The following FYN variants were observed in gnomAD, a reference collection of about 807,000 sequenced individuals.
FYN encodes the protein FYN proto-oncogene, Src family tyrosine kinase.
FYN carries 10 observed loss-of-function variants against 70.2 expected under a neutral mutation model. That is an observed-to-expected ratio of 0.14 (90% CI 0.09 to 0.24). The LOEUF is 0.24. Among genes scored for constraint, FYN ranks in the 10% least tolerant of loss-of-function variants. The pLI is 1.00. For synonymous variants in FYN, 236 were observed against 248.6 expected, an observed-to-expected ratio of 0.95 and a Z score of 0.48; for missense variants, 319 against 673.1, an observed-to-expected ratio of 0.47 and a Z score of 5.82.
chr6:111,757,783 T>C (rs1056122202), intron 3 of FYN, among the ~76,000 whole-genome samples: 1 of 152,224 alleles, frequency 6.6e-6, no homozygotes, highest in African/African-American at 2.4e-5. Flanking sequence ...CAGGATGTCA[T>C]TTAAATTCTA....
At chr6:111,809,029 A>T (rs1430446301) in intron 2 of FYN, among the ~76,000 whole-genome samples, 1 of 152,216 alleles carries the variant, frequency 6.6e-6, no homozygotes, top group African/African-American at 2.4e-5. Flanking sequence ...TTCCTAAAAG[A>T]AACAAAAATA....
chr6:111,714,271 G>A, intron 5 of FYN, 76 bp downstream of exon 5: 1 of 877,590 alleles, frequency 1.1e-6, no homozygotes. Flanking sequence ...GACATCTGAA[G>A]AGATGCAGAC....
At chr6:111,763,590 T>C (rs745684317) in intron 3 of FYN, among the ~76,000 whole-genome samples, 7 of 152,214 alleles carry the variant, frequency 4.6e-5, no homozygotes, top group Non-Finnish European at 7.3e-5. Flanking sequence ...ATTTCAAACA[T>C]AGTTTTCATA....
At chr6:111,849,355 C>T (rs890321468) in intron 1 of FYN, among the ~76,000 whole-genome samples, 6 of 152,224 alleles carry the variant, frequency 3.9e-5, no homozygotes, top group Admixed American at 3.3e-4. Context: ...ACTGAGCAAT[C>T]CTCAACTCTG....
chr6:111,701,232 G>A (rs1484941679), intron 8 of FYN, among the ~76,000 whole-genome samples: 2 of 151,976 alleles, frequency 1.3e-5, no homozygotes, highest in African/African-American at 2.4e-5. Flanking sequence ...CAGTGCTAAG[G>A]GGAACTTAAA....
intron 3 of FYN, among the ~76,000 whole-genome samples, chr6:111,750,164 C>T (rs191672447): frequency 2.0e-5 from 3 of 152,276 alleles, no homozygotes; most frequent in East Asian, 1.9e-4. Flanking sequence ...TGTATGTCTC[C>T]GTCCAAATCT....
In FYN at chr6:111,824,140, C is replaced by A. The variant is rs1772760577; in HGVS notation, c.-82+22449G>T. 2.6e-5 allele frequency among the ~76,000 whole-genome samples: 4 copies of A among 152,268 alleles called. No homozygotes were observed. In the South Asian group the frequency reaches 8.3e-4, roughly 32 times the overall value. ...TGAGCACATGGTCTTTAAAAAATCCCCACTGCAAACTTTGGAAAGTTGAAA... is the reference window on the plus strand; with the variant it reads ...TGAGCACATGGTCTTTAAAAAATCCACACTGCAAACTTTGGAAAGTTGAAA... On this transcript the variant is annotated intron_variant, in intron 2 of 13. Coordinates refer to ENST00000354650, the MANE Select transcript of FYN (RefSeq NM_002037.5).
At chr6:111,810,856 T>TC (rs774758523) in intron 2 of FYN, among the ~76,000 whole-genome samples, 2 of 152,234 alleles carry the variant, frequency 1.3e-5, no homozygotes, top group Non-Finnish European at 2.9e-5. Flanking sequence ...CTTTGCTAAA[T>TC]CCCATATGTC....
rs189206879 is a variant in FYN at position 111,853,239 on chromosome 6, G to A, written c.-122-6610C>T. 4.6e-5 allele frequency among the ~76,000 whole-genome samples: 7 copies of A among 152,278 alleles called. No individual in the cohort carries two copies. The East Asian group carries it at 1.3e-3, about 29-fold the overall frequency. On this transcript the variant is annotated intron_variant, in intron 1 of 13. Coordinates refer to ENST00000354650, the MANE Select transcript of FYN (RefSeq NM_002037.5). ...ATTGTAAGACTTCCACTAATGGAGAGGATCCAGTCCTGTCATACATTCTGC... is the reference window on the plus strand; with the variant it reads ...ATTGTAAGACTTCCACTAATGGAGAAGATCCAGTCCTGTCATACATTCTGC...
At chr6:111,735,437 C>G (rs1801667179) in intron 3 of FYN, among the ~76,000 whole-genome samples, 1 of 152,178 alleles carries the variant, frequency 6.6e-6, no homozygotes, top group African/African-American at 2.4e-5. Flanking sequence ...ACATCCTGTG[C>G]TGGGTATTAT....
intron 13 of FYN, among the ~76,000 whole-genome samples, chr6:111,670,896 C>T (rs945145912): frequency 2.6e-5 from 4 of 152,132 alleles, no homozygotes; most frequent in Non-Finnish European, 5.9e-5. Context: ...CAGAAAACTG[C>T]TTTTACTTAA....
chr6:111,782,987 T>C (rs996318199), intron 2 of FYN, among the ~76,000 whole-genome samples: 3 of 152,198 alleles, frequency 2.0e-5, no homozygotes, highest in African/African-American at 7.2e-5. Context: ...CCACAGTGAC[T>C]ATCTTGGGAA....
chr6:111,845,886 T>C (rs953829414), intron 2 of FYN, among the ~76,000 whole-genome samples: 5 of 152,064 alleles, frequency 3.3e-5, no homozygotes, highest in African/African-American at 9.7e-5. Flanking sequence ...TCAGCAAACA[T>C]TCAGAGAAAG....
At chr6:111,793,339 C>T (rs1318315523) in intron 2 of FYN, among the ~76,000 whole-genome samples, 4 of 151,914 alleles carry the variant, frequency 2.6e-5, no homozygotes, top group Admixed American at 6.6e-5. Flanking sequence ...AGTGAAGTTT[C>T]GGATATTCAA....
rs189124604 is a variant in FYN at position 111,692,842 on chromosome 6, C to T, written c.1273+1533G>A. Among the ~76,000 whole-genome samples, 393 of 152,350 alleles carry T rather than the reference C, an allele frequency of 2.6e-3. 4 individuals carry two copies. Among genetic ancestry groups the T allele is most frequent in the South Asian group, 9.7e-3 (47 of 4,828 alleles). Reference sequence around the variant, plus strand: ...AGATCCACTGGCACTCAGGTCCTCTCGGCTCACCTTGCCTCAAATTCACAT... The same window carrying T: ...AGATCCACTGGCACTCAGGTCCTCTTGGCTCACCTTGCCTCAAATTCACAT... On this transcript the variant is annotated intron_variant, in intron 12 of 13. Coordinates refer to ENST00000354650, the MANE Select transcript of FYN (RefSeq NM_002037.5).
chr6:111,722,287 T>G (rs1449738492), intron 3 of FYN, among the ~76,000 whole-genome samples: 2 of 152,232 alleles, frequency 1.3e-5, no homozygotes, highest in African/African-American at 2.4e-5. Context: ...CATTTGAGAT[T>G]AACTTACAGT....
chr6:111,699,364 A>G, intron 9 of FYN: 1 of 782,954 alleles, frequency 1.3e-6, no homozygotes, highest in South Asian at 1.9e-5. Flanking sequence ...GCAAGGTATC[A>G]GCATATTCTG....
intron 3 of FYN, among the ~76,000 whole-genome samples, chr6:111,744,820 A>C (rs1802134865): frequency 6.6e-6 from 1 of 152,206 alleles, no homozygotes; most frequent in Non-Finnish European, 1.5e-5. Flanking sequence ...TACAAATATC[A>C]CCTAACAATA....
At chr6:111,666,936 T>A (rs1185695252) in intron 13 of FYN, among the ~76,000 whole-genome samples, 1 of 152,200 alleles carries the variant, frequency 6.6e-6, no homozygotes, top group African/African-American at 2.4e-5. Context: ...GTCCCCGACA[T>A]AGCATCATTT....
Sources: gnomAD v4.1 joint callset for allele counts (sites outside exome capture counted in the v4.1 genomes callset) on GRCh38, gnomAD v4.1.1 for gene constraint, MANE v1.5 for transcripts, NCBI Gene and HGNC (gene_info 2026-07-23, HGNC 2026-07-21) for gene names.